ZNF208: variants seen among roughly 807,000 people sequenced by gnomAD.
ZNF208 encodes zinc finger protein 95.
In ZNF208, 10 loss-of-function variants were observed where a neutral mutation model predicts 12.1. The observed-to-expected ratio is 0.83, with a 90% CI of 0.51 to 1.40. The LOEUF is 1.40. Ranked by LOEUF, ZNF208 falls within the 40% of genes most tolerant of loss-of-function variation. The pLI, the probability that ZNF208 is intolerant of heterozygous loss-of-function variation, is 0.00. For missense variants in ZNF208, 1,652 were observed against 1,485.0 expected (o/e 1.11, Z -1.85); for synonymous variants, 497 against 488.4 (o/e 1.02, Z -0.23).
chr19:21,979,931 T>A (rs914287403), intron 3 of ZNF208, among the ~76,000 whole-genome samples: 2 of 152,088 alleles, frequency 1.3e-5, no homozygotes, highest in African/African-American at 4.8e-5. Context: ...GCAATTCTAG[T>A]CTCTGATAAA....
In ZNF208 at chr19:21,970,843, TTTCTTCACA is replaced by T. The variant is rs1192332528; in HGVS notation, c.*339_*347del. ...GAGAACCAGCTGAAGGCTTTGCCAC[TTTCTTCACA>T]TTTGTAGGGTTTCTCTCCAGTATGA... On this transcript the variant is annotated 3_prime_UTR_variant, in exon 4 of 4. Transcript: ENST00000397126. The T allele has an allele frequency of 1.4e-5, 20 of 1,474,758 alleles. No homozygotes were observed. Among genetic ancestry groups the T allele is most frequent in the Non-Finnish European group, 1.9e-5 (20 of 1,059,876 alleles). 91.4% of individuals were successfully genotyped at this position (1,474,758 alleles called of 1,614,324 possible).
Position 21,967,380 on chromosome 19 carries a change from C to G in ZNF208, c.*3811G>C, listed in dbSNP as rs1970191765. ...AAAGTATAGCTTAATTCAGTACTCT[C>G]TCTTCCATTTCATTGGTCTAGATGT... On this transcript the variant is annotated 3_prime_UTR_variant, in exon 4 of 4. Transcript: ENST00000397126. 1 of 152,104 alleles carries G rather than the reference C, an allele frequency of 6.6e-6. No individual in the cohort carries two copies. Among genetic ancestry groups the G allele is most frequent in the African/African-American group, 2.4e-5 (1 of 41,430 alleles). The allele number at this position is 152,104 out of a possible 1,614,324, so 9.4% of individuals were successfully genotyped here. A position where few individuals can be genotyped will look rare whatever the true frequency, so the allele number is the denominator to read the frequency against.
At chr19:21,996,448 G>A (rs1356560465) in intron 1 of ZNF208, among the ~76,000 whole-genome samples, 2 of 152,168 alleles carry the variant, frequency 1.3e-5, no homozygotes, top group African/African-American at 2.4e-5. Flanking sequence ...ATAGTGAACA[G>A]TTTCAATAGA....
Position 21,970,906 on chromosome 19 carries a change from C to A in ZNF208, c.*285G>T, listed in dbSNP as rs1244108457. Among the ~76,000 whole-genome samples, 1 of 150,514 alleles carries A rather than the reference C, an allele frequency of 6.6e-6. No homozygotes were observed. The highest frequency in any genetic ancestry group is 1.5e-5 in the Non-Finnish European group (1 of 67,702). ...TTCTATGATAACTGAGGGTTGAGGA[C>A]CACTTATAGGCTTTGCCACATTCTT... On this transcript the variant is annotated 3_prime_UTR_variant, in exon 4 of 4. Coordinates refer to ENST00000397126, the MANE Select transcript of ZNF208 (RefSeq NM_007153.3).
Position 21,952,076 on chromosome 19 carries a change from C to T in ZNF208, c.306-18839G>A, listed in dbSNP as rs144195891. Among the ~76,000 whole-genome samples, 280 of 152,272 alleles carry T rather than the reference C, an allele frequency of 1.8e-3. 1 individual carries two copies. The highest frequency in any genetic ancestry group is 4.9e-3 in the African/African-American group (204 of 41,578). On this transcript the variant is annotated intron_variant, in intron 4 of 4. Coordinates refer to the ZNF208 transcript ENST00000599916. ...ACAGCAGTCTAAGATCAGATGGCAACGCAGCAGCCTGGCTAGGGGAGGGGC... is the reference window on the plus strand; with the variant it reads ...ACAGCAGTCTAAGATCAGATGGCAATGCAGCAGCCTGGCTAGGGGAGGGGC...
intron 4 of ZNF208, among the ~76,000 whole-genome samples, chr19:21,943,207 T>A (rs1985574): frequency 1.7e-3 from 260 of 152,318 alleles, no homozygotes; most frequent in African/African-American, 5.7e-3. Flanking sequence ...TCACTTTCAA[T>A]GTTTGAGTAT....
intron 4 of ZNF208, among the ~76,000 whole-genome samples, chr19:21,949,924 TG>T (rs1969865467): frequency 6.6e-6 from 1 of 152,186 alleles, no homozygotes; most frequent in South Asian, 2.1e-4. Context: ...AACCACTTCC[TG>T]AAATATCAAA....
chr19:21,954,828 A>G (rs1345984628), intron 4 of ZNF208, among the ~76,000 whole-genome samples: 1 of 152,116 alleles, frequency 6.6e-6, no homozygotes, highest in East Asian at 1.9e-4. Flanking sequence ...CACTTAGCCC[A>G]TTTACATTGA....
In ZNF208 at chr19:21,974,190, C is replaced by T. The variant is rs2007506; in HGVS notation, c.844G>A (p.Glu282Lys). The T allele has an allele frequency of 0.56, 905,444 of 1,607,830 alleles. 263,044 individuals carry two copies. The highest frequency in any genetic ancestry group is 0.67 in the East Asian group (30,122 of 44,706). ...LTKHKIIHTG[E>K]KPNKCEECGK... ...CATTCTTCACATTTGTTGGGTTTCT[C>T]TCCAGTATGAATTATCTTATGTTTA... The change falls in exon 4 of 4, where the codon GAG (glutamate) becomes AAG (lysine). Residue 282 changes from glutamate (E) to lysine (K), a missense_variant. Glu to Lys is a moderately conservative substitution (Grantham distance 56, BLOSUM62 1). This residue lies in a region of ZNF208 where 410 missense variants were observed against 378.2 expected (regional missense o/e 1.08). Transcript: ENST00000397126.
chr19:21,952,657 T>A (rs1030889484), intron 4 of ZNF208, among the ~76,000 whole-genome samples: 9 of 152,118 alleles, frequency 5.9e-5, no homozygotes, highest in African/African-American at 1.9e-4. Context: ...CAAAACCCCA[T>A]CTGTATGTCA....
chr19:21,989,588 A>G (rs981662424), intron 1 of ZNF208, among the ~76,000 whole-genome samples: 10 of 150,260 alleles, frequency 6.7e-5, no homozygotes, highest in African/African-American at 2.3e-4. Context: ...AGTCCTTTGG[A>G]TATATACCCA....
Position 21,971,951 on chromosome 19 carries a change from G to T in ZNF208, c.3083C>A (p.Pro1028His). ...TTTGTCACATTCTTCACATTTGTAG[G>T]GTGTCTCTCCAGTGTGAATTTTCTT... ...EHKKIHTGET[P>H]YKCEECDKAF... The change falls in exon 4 of 4, where the codon CCC (proline) becomes CAC (histidine). Residue 1028 changes from proline (P) to histidine (H), a missense_variant. Transcript: ENST00000397126. 6.3e-7 allele frequency: 1 copy of T among 1,576,046 alleles called. No individual in the cohort carries two copies. Among genetic ancestry groups the T allele is most frequent in the Non-Finnish European group, 8.6e-7 (1 of 1,156,414 alleles).
chr19:21,968,417 GT>G lies in ZNF208; in HGVS notation c.*2773del, dbSNP rs1970211014. ...GACAACATTTTTGAGTTAATATTGG[GT>G]TTTCTTGAATGCTTTTTCTGCCCCT... On this transcript the variant is annotated 3_prime_UTR_variant, in exon 4 of 4. Coordinates refer to ENST00000397126, the MANE Select transcript of ZNF208 (RefSeq NM_007153.3). 6.6e-6 allele frequency: 1 copy of G among 151,438 alleles called. No homozygotes were observed. The highest frequency in any genetic ancestry group is 1.5e-5 in the Non-Finnish European group (1 of 67,826). The allele number at this position is 151,438 out of a possible 1,614,324, so 9.4% of individuals were successfully genotyped here. A position where few individuals can be genotyped will look rare whatever the true frequency, so the allele number is the denominator to read the frequency against.
intron 4 of ZNF208, chr19:21,941,344 C>T (rs1348220453): frequency 2.5e-6 from 1 of 398,688 alleles, no homozygotes; most frequent in African/African-American, 2.1e-5. Context: ...GTCTCGGAAA[C>T]TAATCTTAGT....
At chr19:21,947,179 C>T (rs764798858) in intron 4 of ZNF208, among the ~76,000 whole-genome samples, 1 of 152,098 alleles carries the variant, frequency 6.6e-6, no homozygotes, top group East Asian at 1.9e-4. Flanking sequence ...TCAGTAAGGG[C>T]CTTTCTCTCC....
At chr19:21,956,667 A>G (rs1279341943) in intron 4 of ZNF208, among the ~76,000 whole-genome samples, 1 of 152,120 alleles carries the variant, frequency 6.6e-6, no homozygotes, top group Non-Finnish European at 1.5e-5. Flanking sequence ...CTGGTGTGCC[A>G]TTTGCTAAGA....
chr19:22,005,142 T>A (rs1371731333), intron 1 of ZNF208, among the ~76,000 whole-genome samples: 1 of 152,198 alleles, frequency 6.6e-6, no homozygotes. Context: ...TAGACACTTT[T>A]GTGGTTTTTG....
intron 4 of ZNF208, among the ~76,000 whole-genome samples, chr19:21,946,861 A>G (rs2145512460): frequency 6.6e-6 from 1 of 152,212 alleles, no homozygotes. Flanking sequence ...GGTTGAGTCT[A>G]TACCTCAGTG....
rs1970207978 is a variant in ZNF208, at chr19:21,968,269, G to A, written c.*2922C>T. ...TAACTTCAATAGGACTGTTTAGAATGGATATTCTTATTTTTATTCTCATGG... is the reference window on the plus strand; with the variant it reads ...TAACTTCAATAGGACTGTTTAGAATAGATATTCTTATTTTTATTCTCATGG... On this transcript the variant is annotated 3_prime_UTR_variant, in exon 4 of 4. Coordinates refer to ENST00000397126, the MANE Select transcript of ZNF208 (RefSeq NM_007153.3). 6.6e-6 allele frequency: 1 copy of A among 151,866 alleles called. No homozygotes were observed. Among genetic ancestry groups the A allele is most frequent in the South Asian group, 2.1e-4 (1 of 4,808 alleles). The allele number at this position is 151,866 out of a possible 1,614,324, so 9.4% of individuals were successfully genotyped here.
Sources: gnomAD v4.1 joint callset for allele counts (sites outside exome capture counted in the v4.1 genomes callset) on GRCh38, gnomAD v4.1.1 for gene constraint, gnomAD v4.1.1 regional missense constraint, MANE v1.5 for transcripts, NCBI Gene and HGNC (gene_info 2026-07-23, HGNC 2026-07-21) for gene names.